The following EEF2 variants were observed in gnomAD, a reference collection of about 807,000 sequenced individuals.
The protein encoded by EEF2 is eukaryotic translation elongation factor 2.
Under a neutral mutation model 85.3 loss-of-function variants are expected in EEF2, and 21 were observed. That is an observed-to-expected ratio of 0.25 (90% CI 0.17 to 0.35). The LOEUF (loss-of-function observed/expected upper bound fraction) is 0.35, where lower values mean the gene tolerates loss of function less well. EEF2 is among the 10% of genes least tolerant of loss of function. The pLI is 1.00. For missense variants in EEF2, 825 were observed against 1,225.3 expected, an observed-to-expected ratio of 0.67 and a Z score of 4.88; for synonymous variants, 723 against 508.8, an observed-to-expected ratio of 1.42 and a Z score of -5.67.
chr19:3,985,211 G>C (rs981639359), intron 1 of EEF2, 167 bp downstream of exon 1: 1 of 690,956 alleles, frequency 1.4e-6, no homozygotes, highest in East Asian at 3.4e-5. Context: ...TGAACAGCGC[G>C]GCGCACAGAC....
At position 3,985,387 on chromosome 19, in the gene EEF2, G is replaced by C. The variant is rs779721890; in HGVS notation, c.-7C>G. ...AGGCAGGGTTACTCACCATGGTGGC[G>C]GATGGCGGTGGATTCTCCCAGGTAG... On this transcript the variant is annotated 5_prime_UTR_variant, in exon 1 of 15. Coordinates refer to ENST00000309311, the MANE Select transcript of EEF2 (RefSeq NM_001961.4). 9 of 1,512,346 alleles carry C rather than the reference G, an allele frequency of 6.0e-6. No individual in the cohort carries two copies. In the South Asian group the frequency reaches 1.0e-4, roughly 17 times the overall value. The allele number at this position is 1,512,346 out of a possible 1,614,324, so 93.7% of individuals were successfully genotyped here.
Position 3,981,469 on chromosome 19 carries a change from G to A in EEF2, c.898-17C>T, listed in dbSNP as rs780007360. ...ATCAAACACCTACATTCCCCACCAAGAAACAAGAAAGCCCATTTGGGAACA... is the reference window on the plus strand; with the variant it reads ...ATCAAACACCTACATTCCCCACCAAAAAACAAGAAAGCCCATTTGGGAACA... On this transcript the variant is annotated splice_polypyrimidine_tract_variant and intron_variant, in intron 6 of 14. Coordinates refer to ENST00000309311, the MANE Select transcript of EEF2 (RefSeq NM_001961.4). 37 of 1,608,694 alleles carry A rather than the reference G, an allele frequency of 2.3e-5. No individual in the cohort carries two copies. Among genetic ancestry groups the A allele is most frequent in the Admixed American group, 3.3e-5 (2 of 59,924 alleles).
rs141244787 is a variant in EEF2 at position 3,984,528 on chromosome 19, C to T, written c.4-178G>A. ...CCCTTAAGAGCCACCCCGCAATCTC[C>T]AAGGAACCACCGTTAATAGGTGTCA... On this transcript the variant is annotated intron_variant, in intron 1 of 14. Transcript: ENST00000309311. Among the ~76,000 whole-genome samples the T allele has an allele frequency of 2.0e-3, 302 of 152,312 alleles. 3 individuals are homozygous for T. The highest frequency in any genetic ancestry group is 0.018 in the East Asian group (93 of 5,186).
At position 3,977,867 on chromosome 19, in the gene EEF2, G is replaced by GT; in HGVS notation, c.2018dup (p.Asn673LysfsTer22). ...CGGCCACCACACTGTCCTTGATCTC[G>GT]TTGAGGTACTGCACACCCTTGGTGA... On this transcript the variant is annotated frameshift_variant, in exon 12 of 15. Coordinates refer to ENST00000309311, the MANE Select transcript of EEF2 (RefSeq NM_001961.4). LOFTEE classifies it high-confidence loss of function. This position sits in a 1 kb window ranked among gnomAD's most constrained non-coding sequence, Gnocchi z 5.4. 6.2e-7 allele frequency: 1 copy of GT among 1,611,130 alleles called. No homozygotes were observed. Among genetic ancestry groups the GT allele is most frequent in the Non-Finnish European group, 8.5e-7 (1 of 1,178,240 alleles).
rs1229028839 is a variant in EEF2 at position 3,976,369 on chromosome 19, A to C, written c.*185T>G. 1.5e-6 allele frequency: 1 copy of C among 674,582 alleles called. No individual in the cohort carries two copies. Among genetic ancestry groups the C allele is most frequent in the African/African-American group, 1.8e-5 (1 of 54,536 alleles). 41.8% of individuals were successfully genotyped at this position (674,582 alleles called of 1,614,324 possible). ...GTGTCTGCTGCCTCCGGACTCTGGA[A>C]ATAAATATTGAAAGAAACGGCATCA... On this transcript the variant is annotated 3_prime_UTR_variant, in exon 15 of 15. Coordinates refer to ENST00000309311, the MANE Select transcript of EEF2 (RefSeq NM_001961.4).
intron 2 of EEF2, 124 bp from the exon 3 acceptor site, chr19:3,983,415 G>A (rs1199783647): frequency 5.8e-6 from 6 of 1,042,900 alleles, no homozygotes; most frequent in Non-Finnish European, 8.2e-6. Flanking sequence ...GCTCCCACAA[G>A]AGCCAACCCA....
rs147961884 is a variant in EEF2, at chr19:3,977,366, A to T, written c.2251-19T>A. The T allele has an allele frequency of 3.3e-3, 5,268 of 1,591,176 alleles. 10 individuals are homozygous for T. Among genetic ancestry groups the T allele is most frequent in the Non-Finnish European group, 3.9e-3 (4,588 of 1,169,264 alleles). On this transcript the variant is annotated intron_variant, in intron 13 of 14. Coordinates refer to ENST00000309311, the MANE Select transcript of EEF2 (RefSeq NM_001961.4). This position sits in a 1 kb window ranked among gnomAD's most constrained non-coding sequence, Gnocchi z 5.4. The stretch of plus-strand genomic sequence containing the variant: ...CTGGACACTGCCAGAAGGGAAAGAA[A>T]ACCTGTCAGTGGCCGCTGGGCAGGA...
Position 3,977,557 on chromosome 19 carries a change from G to A in EEF2, c.2121C>T (p.Val707=). 6.4e-7 allele frequency: 1 copy of A among 1,572,252 alleles called. No homozygotes were observed. ...GGTGGATGGCGTCGGCGTGCAGGGT[G>A]ACGTCGTGGACGTCGAAGCGCACAC... ...MRGVRFDVHD[V]TLHADAIHRG... Residue 707 remains valine, a synonymous_variant, in exon 13 of 15, where the codon GTC becomes GTT. Transcript: ENST00000309311. The surrounding 1 kb of genome is among the most constrained non-coding windows in gnomAD (Gnocchi z 5.4).
At position 3,979,232 on chromosome 19, in the gene EEF2, A is replaced by G. The variant is rs113891057; in HGVS notation, c.1713+97T>C. 3.1e-5 allele frequency: 28 copies of G among 916,706 alleles called. No homozygotes were observed. The African/African-American group carries it at 3.5e-4, about 11-fold the overall frequency. 56.8% of individuals were successfully genotyped at this position (916,706 alleles called of 1,614,324 possible). A position where few individuals can be genotyped will look rare whatever the true frequency, so the allele number is the denominator to read the frequency against. ...GAAGCTGAGACCAAGACCGAGATCA[A>G]GTCTAGGCGTCTGCAGAGCCTAGCT... On this transcript the variant is annotated intron_variant, in intron 11 of 14. Transcript: ENST00000309311.
Position 3,977,861 on chromosome 19 carries a change from G to T in EEF2, c.2025C>A (p.Ile675=). ...GGAAGCCGGCCACCACACTGTCCTT[G>T]ATCTCGTTGAGGTACTGCACACCCT... ...ITKGVQYLNE[I]KDSVVAGFQW... is the part of the protein sequence containing the mutation. The change falls in exon 12 of 15, where the codon ATC becomes ATA. Residue 675 remains isoleucine (I), a synonymous_variant. Transcript: ENST00000309311. This position sits in a 1 kb window ranked among gnomAD's most constrained non-coding sequence, Gnocchi z 5.4. 1.2e-6 allele frequency: 2 copies of T among 1,608,470 alleles called. No homozygotes were observed. Among genetic ancestry groups the T allele is most frequent in the Non-Finnish European group, 1.7e-6 (2 of 1,176,262 alleles).
rs2039688355 is a variant in EEF2, at chr19:3,977,146, G to A, written c.2383+69C>T. 7.0e-6 allele frequency: 11 copies of A among 1,578,120 alleles called. No homozygotes were observed. In the South Asian group the frequency reaches 8.1e-5, roughly 12 times the overall value. ...GACGCCTCCTTTAACACCTTGCTAAGCTTAACTGGGCTTCTGTCCCCCAAA... is the reference window on the plus strand; with the variant it reads ...GACGCCTCCTTTAACACCTTGCTAAACTTAACTGGGCTTCTGTCCCCCAAA... On this transcript the variant is annotated intron_variant, in intron 14 of 14. Coordinates refer to ENST00000309311, the MANE Select transcript of EEF2 (RefSeq NM_001961.4). This position sits in a 1 kb window ranked among gnomAD's most constrained non-coding sequence, Gnocchi z 5.4.
chr19:3,981,967 T>G lies in EEF2; in HGVS notation c.877A>C (p.Ile293Leu). The G allele has an allele frequency of 6.2e-7, 1 of 1,614,066 alleles. No individual in the cohort carries two copies. Among genetic ancestry groups the G allele is most frequent in the Non-Finnish European group, 8.5e-7 (1 of 1,179,982 alleles). ...CTCACCTTGAAGATGGGGTCCAGGA[T>G]CAGCTGGCAGAAGGTGCGTGGCAGC... is the stretch of plus-strand genomic sequence containing the variant. ...KKLPRTFCQL[I>L]LDPIFKVFDA... Residue 293 changes from isoleucine (I) to leucine (L), a missense_variant, in exon 6 of 15, where the codon ATC (isoleucine) becomes CTC (leucine). Transcript: ENST00000309311.
chr19:3,982,646 G>A, intron 4 of EEF2, 161 bp downstream of exon 4: 3 of 1,106,578 alleles, frequency 2.7e-6, no homozygotes, highest in Non-Finnish European at 4.0e-6. Flanking sequence ...AAAGATCAAG[G>A]GCTGGGTCAA....
chr19:3,984,627 G>A (rs369905467), intron 1 of EEF2, among the ~76,000 whole-genome samples: 5 of 152,178 alleles, frequency 3.3e-5, no homozygotes, highest in African/African-American at 9.7e-5. Context: ...TTGATACCAG[G>A]TACAAATACT....
In EEF2 at chr19:3,978,803, C is replaced by CAAAAAAAAAAAAA. The variant is rs58074233; in HGVS notation, c.1713+513_1713+525dup. Among the ~76,000 whole-genome samples the CAAAAAAAAAAAAA allele has an allele frequency of 4.6e-4, 17 of 36,828 alleles. 2 individuals are homozygous for CAAAAAAAAAAAAA. The highest frequency in any genetic ancestry group is 1.2e-3 in the East Asian group (1 of 810). 24.2% of individuals were successfully genotyped at this position (36,828 alleles called of 152,430 possible). ...AAGCAACAGAGCAAGACTCTTGTCT[C>CAAAAAAAAAAAAA]AAAAAAAAAAAAAAAAAAAAAAAAA... is the stretch of plus-strand genomic sequence containing the variant. On this transcript the variant is annotated intron_variant, in intron 11 of 14. Transcript: ENST00000309311.
At chr19:3,982,557 A>C (rs1451934938) in intron 4 of EEF2, 133 bp from the exon 5 acceptor site, 1 of 1,273,180 alleles carries the variant, frequency 7.9e-7, no homozygotes. Flanking sequence ...TGAAGAAATG[A>C]TCAGTCATCA....
chr19:3,985,275 TCTC>T, intron 1 of EEF2, 100 bp downstream of exon 1: 2 of 1,255,172 alleles, frequency 1.6e-6, no homozygotes, highest in Non-Finnish European at 2.1e-6. Context: ...CGCCGCTACG[TCTC>T]CTCCTGGCAC....
At chr19:3,981,915 T>A in intron 6 of EEF2, 32 bp downstream of exon 6, 1 of 1,601,166 alleles carries the variant, frequency 6.2e-7, no homozygotes. Context: ...AATAGTCGCA[T>A]CGGCGGGGTG....
At chr19:3,979,244 T>C in intron 11 of EEF2, 85 bp downstream of exon 11, 1 of 1,080,356 alleles carries the variant, frequency 9.3e-7, no homozygotes, top group Non-Finnish European at 1.4e-6. Context: ...TCTAGGCGTC[T>C]GCAGAGCCTA....
Sources: allele counts gnomAD v4.1 joint callset (sites outside exome capture counted in the v4.1 genomes callset), GRCh38; gene constraint gnomAD v4.1.1; non-coding constraint Gnocchi (gnomAD v3.1); transcripts MANE v1.5; gene names NCBI Gene and HGNC (gene_info 2026-07-23, HGNC 2026-07-21).